The following UBE2U variants were observed in gnomAD, a reference collection of about 807,000 sequenced individuals.
UBE2U encodes the protein ubiquitin-conjugating enzyme E2 U.
UBE2U carries 39 observed loss-of-function variants against 41.2 expected under a neutral mutation model. The ratio of observed to expected loss-of-function variants is 0.95; its 90% CI spans 0.73 to 1.24. The LOEUF is 1.24. Among genes scored for constraint, UBE2U ranks in the 50% most tolerant of loss-of-function variants. UBE2U has a pLI of 0.00. For synonymous variants in UBE2U, 107 were observed against 117.8 expected (o/e 0.91, Z 0.60); for missense variants, 336 against 363.1 (o/e 0.93, Z 0.61).
In UBE2U at chr1:64,267,113, T is replaced by G; in HGVS notation, c.859T>G (p.Leu287Val). Reference sequence around the variant, plus strand: ...GGAGGGGTGGAAGAGTGACACTTCATTATATGAAAATGACACAGATGAGCC... The same window carrying G: ...GGAGGGGTGGAAGAGTGACACTTCAGTATATGAAAATGACACAGATGAGCC... ...EEEGWKSDTS[L>V]YENDTDEPRE... The change falls in exon 10 of 10, where the codon TTA (leucine) becomes GTA (valine). Residue 287 changes from leucine to valine, a missense_variant. Coordinates refer to ENST00000371077, the MANE Select transcript of UBE2U (RefSeq NM_001366232.2). 6.4e-7 allele frequency: 1 copy of G among 1,550,432 alleles called. No homozygotes were observed. The highest frequency in any genetic ancestry group is 8.7e-7 in the Non-Finnish European group (1 of 1,146,934).
intron 8 of UBE2U, among the ~76,000 whole-genome samples, chr1:64,244,879 G>A (rs1488542398): frequency 6.6e-5 from 10 of 152,116 alleles, no homozygotes; most frequent in African/African-American, 9.7e-5. Flanking sequence ...GTTGAAAAAC[G>A]CATCCTCACC....
rs1423074898 is a variant in UBE2U, at chr1:64,239,056, A to AGAAGAAGAAGAG, written c.596-2590_596-2579dup. ...GACCCCCATCTCAAAAAGAAGAAGA[A>AGAAGAAGAAGAG]GAAGAAGAAGAGGAAGAGGAAGAGG... On this transcript the variant is annotated intron_variant, in intron 7 of 9. Transcript: ENST00000371077. Among the ~76,000 whole-genome samples the AGAAGAAGAAGAG allele has an allele frequency of 6.1e-5, 4 of 65,986 alleles. No individual in the cohort carries two copies. In the South Asian group the frequency reaches 1.8e-3, roughly 29 times the overall value. The allele number at this position is 65,986 out of a possible 152,430, so 43.3% of individuals were successfully genotyped here.
At chr1:64,254,634 A>T (rs561758536) in intron 8 of UBE2U, among the ~76,000 whole-genome samples, 7 of 152,350 alleles carry the variant, frequency 4.6e-5, no homozygotes, top group African/African-American at 1.2e-4. Flanking sequence ...GAAATTGAGC[A>T]ACCTGCTCCT....
intron 5 of UBE2U, 32 bp from the exon 6 acceptor site, chr1:64,220,827 A>G (rs199681948): frequency 1.3e-6 from 2 of 1,567,740 alleles, no homozygotes; most frequent in Admixed American, 3.5e-5. Context: ...TCTCCAAGTA[A>G]ACCAGAATCC....
intron 3 of UBE2U, among the ~76,000 whole-genome samples, chr1:64,209,674 C>T (rs1048575822): frequency 1.3e-5 from 2 of 150,444 alleles, no homozygotes; most frequent in African/African-American, 4.9e-5. Flanking sequence ...TAGCTTTCAA[C>T]CCCCGCCCCC....
chr1:64,242,791 AT>A (rs1644857053), intron 8 of UBE2U, among the ~76,000 whole-genome samples: 1 of 152,170 alleles, frequency 6.6e-6, no homozygotes, highest in South Asian at 2.1e-4. Flanking sequence ...AAAGTTTTTT[AT>A]CCAGCAAAAT....
chr1:64,257,477 C>T (rs182957114), intron 8 of UBE2U, among the ~76,000 whole-genome samples: 9 of 152,142 alleles, frequency 5.9e-5, no homozygotes, highest in South Asian at 2.1e-4. Flanking sequence ...TGGATGGAGT[C>T]GGAAGCCATT....
chr1:64,214,944 C>T lies in UBE2U; in HGVS notation c.457+12C>T, dbSNP rs1185487944. The T allele has an allele frequency of 6.2e-7, 1 of 1,600,204 alleles. No homozygotes were observed. On this transcript the variant is annotated intron_variant, in intron 5 of 9. Coordinates refer to ENST00000371077, the MANE Select transcript of UBE2U (RefSeq NM_001366232.2). ...CAGGCCATTACAAAGTAAGAAGTATCTACTTTTGTTAGGTGCAGTGGCTCA... is the reference window on the plus strand; with the variant it reads ...CAGGCCATTACAAAGTAAGAAGTATTTACTTTTGTTAGGTGCAGTGGCTCA...
chr1:64,247,362 G>A (rs1644937869), intron 8 of UBE2U, among the ~76,000 whole-genome samples: 1 of 152,138 alleles, frequency 6.6e-6, no homozygotes, highest in African/African-American at 2.4e-5. Flanking sequence ...ATTTTAATAT[G>A]AGTCACAAAC....
chr1:64,263,522 G>A (rs1645210756), intron 9 of UBE2U, among the ~76,000 whole-genome samples: 1 of 152,160 alleles, frequency 6.6e-6, no homozygotes, highest in African/African-American at 2.4e-5. Context: ...CTATTGACCT[G>A]CTGACATGTG....
chr1:64,252,714 AAAC>A (rs899966033), intron 8 of UBE2U, among the ~76,000 whole-genome samples: 11 of 152,270 alleles, frequency 7.2e-5, no homozygotes, highest in South Asian at 2.1e-4. Flanking sequence ...AACAAACAGA[AAAC>A]AACAACAACA....
chr1:64,244,088 C>A, intron 8 of UBE2U: 3 of 1,422,090 alleles, frequency 2.1e-6, no homozygotes, highest in South Asian at 1.2e-5. Context: ...CGCTATTATT[C>A]ATGCTTTTAA....
At chr1:64,249,824 G>A (rs952975312) in intron 8 of UBE2U, among the ~76,000 whole-genome samples, 5 of 151,998 alleles carry the variant, frequency 3.3e-5, no homozygotes, top group African/African-American at 1.2e-4. Flanking sequence ...GTGTTCCAGA[G>A]GAAGGGAGAG....
intron 5 of UBE2U, 39 bp downstream of exon 5, chr1:64,214,971 G>A (rs7534166): frequency 0.14 from 215,414 of 1,526,232 alleles, 20,165 homozygotes; most frequent in East Asian, 0.51. Context: ...AGTGGCTCAC[G>A]CCTGTAATCC....
intron 6 of UBE2U, among the ~76,000 whole-genome samples, chr1:64,227,411 T>C (rs1485035069): frequency 6.6e-6 from 1 of 152,212 alleles, no homozygotes. Context: ...AATTAGTGAA[T>C]TTAGCAAAGA....
intron 5 of UBE2U, 92 bp downstream of exon 5, chr1:64,215,024 G>A (rs1014712689): frequency 3.0e-5 from 28 of 931,332 alleles, no homozygotes; most frequent in Non-Finnish European, 3.4e-5. Context: ...TCTGAGGTCC[G>A]GAGTTCGAGA....
intron 4 of UBE2U, among the ~76,000 whole-genome samples, chr1:64,214,331 A>C (rs1362402772): frequency 6.6e-6 from 1 of 152,224 alleles, no homozygotes; most frequent in East Asian, 1.9e-4. Context: ...AAATGTAAAT[A>C]ACCACCTGTG....
chr1:64,225,474 A>T (rs1652803605), intron 6 of UBE2U, among the ~76,000 whole-genome samples: 1 of 152,268 alleles, frequency 6.6e-6, no homozygotes, highest in African/African-American at 2.4e-5. Flanking sequence ...AAATTGGGAC[A>T]CTGTTGAACA....
chr1:64,261,525 C>T (rs990660857), intron 9 of UBE2U, among the ~76,000 whole-genome samples: 2 of 152,190 alleles, frequency 1.3e-5, no homozygotes, highest in Admixed American at 6.5e-5. Flanking sequence ...CAGTGATTCT[C>T]CAAGGGCCCT....
Sources: allele counts gnomAD v4.1 joint callset (sites outside exome capture counted in the v4.1 genomes callset), GRCh38; gene constraint gnomAD v4.1.1; transcripts MANE v1.5; gene names NCBI Gene and HGNC (gene_info 2026-07-23, HGNC 2026-07-21).